ST8SIA4: variants seen among roughly 807,000 people sequenced by gnomAD.
ST8SIA4 encodes the protein CMP-N-acetylneuraminate-poly-alpha-2,8-sialyltransferase.
ST8SIA4 carries 15 observed loss-of-function variants against 33.9 expected under a neutral mutation model. That is an observed-to-expected ratio of 0.44 (90% confidence interval 0.30 to 0.68). The LOEUF (loss-of-function observed/expected upper bound fraction) is 0.68, where lower values mean the gene tolerates loss of function less well. Ranked by LOEUF, ST8SIA4 falls within the 30% of genes least tolerant of loss-of-function variation. The pLI, the probability that ST8SIA4 is intolerant of heterozygous loss-of-function variation, is 0.10. For synonymous variants in ST8SIA4, 171 were observed against 151.2 expected, an observed-to-expected ratio of 1.13 and a Z score of -0.96; for missense variants, 321 against 428.0, an observed-to-expected ratio of 0.75 and a Z score of 2.21.
intron 3 of ST8SIA4, among the ~76,000 whole-genome samples, chr5:100,864,388 C>A (rs1752016343): frequency 6.6e-6 from 1 of 151,684 alleles, no homozygotes; most frequent in African/African-American, 2.4e-5. Context: ...TCCTGGCTAA[C>A]ATGGTGAAAC....
intron 4 of ST8SIA4, among the ~76,000 whole-genome samples, chr5:100,815,493 C>T (rs1750898518): frequency 6.8e-6 from 1 of 148,118 alleles, no homozygotes; most frequent in African/African-American, 2.5e-5. Flanking sequence ...ATTATACTTT[C>T]TTCTGTTGTA....
intron 3 of ST8SIA4, among the ~76,000 whole-genome samples, chr5:100,884,381 G>A (rs1480135535): frequency 6.6e-6 from 1 of 152,180 alleles, no homozygotes; most frequent in East Asian, 1.9e-4. Context: ...GCCAGTGAAA[G>A]AGAAAATAGG....
intron 3 of ST8SIA4, among the ~76,000 whole-genome samples, chr5:100,878,009 G>A (rs1296229345): frequency 6.6e-6 from 1 of 152,270 alleles, no homozygotes; most frequent in South Asian, 2.1e-4. Flanking sequence ...CTTATAGGGA[G>A]TTTAGGCACT....
intron 4 of ST8SIA4, among the ~76,000 whole-genome samples, chr5:100,824,388 C>A (rs1405862056): frequency 6.6e-6 from 1 of 151,868 alleles, no homozygotes; most frequent in African/African-American, 2.4e-5. Flanking sequence ...TATTAAGAAA[C>A]CTCACATTGT....
chr5:100,894,789 C>T (rs1472540910), intron 2 of ST8SIA4, among the ~76,000 whole-genome samples: 17 of 151,880 alleles, frequency 1.1e-4, no homozygotes, highest in Admixed American at 8.5e-4. Flanking sequence ...ATTAATTAGC[C>T]CCTTATATCT....
chr5:100,849,407 T>C, intron 4 of ST8SIA4: 3 of 985,288 alleles, frequency 3.0e-6, no homozygotes, highest in Non-Finnish European at 3.6e-6. Context: ...TCAGTGTTCT[T>C]AGTTAGAATT....
rs1750748544 is a variant in ST8SIA4, at chr5:100,808,964, T to C, written c.*2883A>G. ...CTCAATCGACACTGAAGCCCTTTTT[T>C]TCATGCTGAACATTTTTGGAAGTGG... On this transcript the variant is annotated 3_prime_UTR_variant, in exon 5 of 5. Transcript: ENST00000231461. 6.6e-6 allele frequency: 1 copy of C among 152,608 alleles called. No homozygotes were observed. The highest frequency in any genetic ancestry group is 2.4e-5 in the African/African-American group (1 of 41,436). 9.5% of individuals were successfully genotyped at this position (152,608 alleles called of 1,614,324 possible). A position where few individuals can be genotyped will look rare whatever the true frequency, so the allele number is the denominator to read the frequency against.
At chr5:100,862,653 C>T (rs1456297132) in intron 3 of ST8SIA4, among the ~76,000 whole-genome samples, 1 of 152,288 alleles carries the variant, frequency 6.6e-6, no homozygotes, top group East Asian at 1.9e-4. Flanking sequence ...CCACCCGCCT[C>T]TGCCTCCCAA....
chr5:100,876,573 A>C (rs1257965379), intron 3 of ST8SIA4, among the ~76,000 whole-genome samples: 1 of 152,074 alleles, frequency 6.6e-6, no homozygotes, highest in Non-Finnish European at 1.5e-5. Flanking sequence ...TATCTTAGCC[A>C]ATCTTCTTTC....
At chr5:100,860,667 C>T (rs1459034309) in intron 3 of ST8SIA4, among the ~76,000 whole-genome samples, 1 of 152,088 alleles carries the variant, frequency 6.6e-6, no homozygotes, top group African/African-American at 2.4e-5. Flanking sequence ...GAAACATGTC[C>T]AAGGGCATAT....
At chr5:100,873,328 T>C (rs1199394647) in intron 3 of ST8SIA4, among the ~76,000 whole-genome samples, 2 of 151,086 alleles carry the variant, frequency 1.3e-5, no homozygotes, top group Admixed American at 6.6e-5. Flanking sequence ...GAGGAGAAGA[T>C]AGAATGGAGG....
At chr5:100,857,752 T>C (rs1292336946) in intron 3 of ST8SIA4, among the ~76,000 whole-genome samples, 1 of 152,008 alleles carries the variant, frequency 6.6e-6, no homozygotes, top group African/African-American at 2.4e-5. Flanking sequence ...TTAATTAATA[T>C]ATCTTGTTAC....
intron 2 of ST8SIA4, among the ~76,000 whole-genome samples, chr5:100,894,702 C>G (rs546525499): frequency 6.6e-6 from 1 of 152,042 alleles, no homozygotes; most frequent in East Asian, 1.9e-4. Context: ...GACTAATAGA[C>G]TCTTCCTTCA....
At chr5:100,836,958 C>G (rs555954908) in intron 4 of ST8SIA4, among the ~76,000 whole-genome samples, 33 of 151,160 alleles carry the variant, frequency 2.2e-4, no homozygotes, top group African/African-American at 8.0e-4. Context: ...CATAGGAACT[C>G]TAAAGGAAGT....
In ST8SIA4 at chr5:100,810,120, C is replaced by T. The variant is rs1750784887; in HGVS notation, c.*1727G>A. The T allele has an allele frequency of 6.6e-6, 1 of 152,096 alleles. No individual in the cohort carries two copies. Among genetic ancestry groups the T allele is most frequent in the Admixed American group, 6.5e-5 (1 of 15,272 alleles). 9.4% of individuals were successfully genotyped at this position (152,096 alleles called of 1,614,324 possible). A position where few individuals can be genotyped will look rare whatever the true frequency, so the allele number is the denominator to read the frequency against. On this transcript the variant is annotated 3_prime_UTR_variant, in exon 5 of 5. Transcript: ENST00000231461. Reference sequence around the variant, plus strand: ...TACAAGTGAGAATGCAGAGCTTCTGCCCAGTTTCTAAAGAAACAATCTACT... The same window carrying T: ...TACAAGTGAGAATGCAGAGCTTCTGTCCAGTTTCTAAAGAAACAATCTACT...
chr5:100,830,522 G>C (rs929029799), intron 4 of ST8SIA4, among the ~76,000 whole-genome samples: 10 of 152,178 alleles, frequency 6.6e-5, no homozygotes, highest in Admixed American at 3.9e-4. Flanking sequence ...GTTAGAAACT[G>C]TCATATGCAG....
At chr5:100,838,250 C>A (rs1394753895) in intron 4 of ST8SIA4, among the ~76,000 whole-genome samples, 4 of 151,896 alleles carry the variant, frequency 2.6e-5, no homozygotes, top group Admixed American at 6.6e-5. Flanking sequence ...AAAGAATCAC[C>A]AGATATTGAA....
chr5:100,813,270 T>C (rs1015587834), intron 4 of ST8SIA4, among the ~76,000 whole-genome samples: 3 of 152,040 alleles, frequency 2.0e-5, no homozygotes, highest in Non-Finnish European at 4.4e-5. Flanking sequence ...AATTTATACT[T>C]TCAAACTTCA....
intron 4 of ST8SIA4, among the ~76,000 whole-genome samples, chr5:100,842,520 C>T (rs1751490316): frequency 6.6e-6 from 1 of 151,848 alleles, no homozygotes; most frequent in African/African-American, 2.4e-5. Context: ...CATCCCACCT[C>T]AACACTATCC....
Sources: allele counts gnomAD v4.1 joint callset (sites outside exome capture counted in the v4.1 genomes callset), GRCh38; gene constraint gnomAD v4.1.1; transcripts MANE v1.5; gene names NCBI Gene and HGNC (gene_info 2026-07-23, HGNC 2026-07-21).